Variants in FBN3 observed in about 807,000 individuals in gnomAD.
FBN3 encodes the protein fibrillin 3, also known as fibrillin-3.
A neutral mutation model predicts 330.1 loss-of-function variants in FBN3; 234 were observed. That is an observed-to-expected ratio of 0.71 (90% CI 0.64 to 0.79). The LOEUF (loss-of-function observed/expected upper bound fraction) is 0.79, where lower values mean the gene tolerates loss of function less well. Ranked by LOEUF, FBN3 falls within the 30% of genes least tolerant of loss-of-function variation. The pLI, the probability that FBN3 is intolerant of heterozygous loss-of-function variation, is 0.00. For synonymous variants in FBN3, 1,458 were observed against 1,517.3 expected, an observed-to-expected ratio of 0.96 and a Z score of 0.91; for missense variants, 3,606 against 3,886.9, an observed-to-expected ratio of 0.93 and a Z score of 1.92.
At chr19:8,085,328 G>A in intron 56 of FBN3, 35 bp downstream of exon 56, 3 of 1,532,890 alleles carry the variant, frequency 2.0e-6, no homozygotes, top group Non-Finnish European at 2.6e-6. Flanking sequence ...CCCGTTTCTT[G>A]CCTCCCTGGG....
intron 13 of FBN3, among the ~76,000 whole-genome samples, chr19:8,133,455 A>ATT (rs568070872): frequency 6.1e-5 from 9 of 147,782 alleles, no homozygotes; most frequent in African/African-American, 2.0e-4. Context: ...AAAGACAACA[A>ATT]TTTTTTTTTT....
At chr19:8,127,847 G>A (rs1304526920) in intron 18 of FBN3, among the ~76,000 whole-genome samples, 1 of 152,122 alleles carries the variant, frequency 6.6e-6, no homozygotes, top group Non-Finnish European at 1.5e-5. Context: ...TGGGCGTGAT[G>A]GCACACGCCT....
At chr19:8,148,236 C>A (rs1012202460) in intron 1 of FBN3, among the ~76,000 whole-genome samples, 2 of 152,128 alleles carry the variant, frequency 1.3e-5, no homozygotes, top group Non-Finnish European at 2.9e-5. Flanking sequence ...CCCTTAGCCG[C>A]AAGACCCTTT....
chr19:8,142,967 C>G (rs993456155), intron 6 of FBN3, among the ~76,000 whole-genome samples: 1 of 152,120 alleles, frequency 6.6e-6, no homozygotes, highest in Admixed American at 6.6e-5. Context: ...CAGGTCACTT[C>G]CCCAGCCCCT....
intron 30 of FBN3, among the ~76,000 whole-genome samples, chr19:8,115,308 T>C (rs2082681222): frequency 6.6e-6 from 1 of 152,208 alleles, no homozygotes; most frequent in Admixed American, 6.5e-5. Context: ...CTGCAGACAC[T>C]TGGGGCTTCC....
intron 61 of FBN3, 95 bp from the exon 62 acceptor site, chr19:8,073,392 C>T: frequency 9.7e-7 from 1 of 1,036,248 alleles, no homozygotes; most frequent in Non-Finnish European, 1.4e-6. Context: ...GCTGTATGTT[C>T]AGAGCCCAAG....
intron 10 of FBN3, 64 bp downstream of exon 10, chr19:8,138,077 C>G: frequency 6.7e-7 from 1 of 1,484,650 alleles, no homozygotes; most frequent in Non-Finnish European, 9.0e-7. Flanking sequence ...GTTTGGAGCT[C>G]TCTCCCCAGA....
intron 13 of FBN3, 26 bp downstream of exon 13, chr19:8,135,935 T>TGGGGGGGGGGGGGGGGCG: frequency 7.4e-7 from 1 of 1,344,152 alleles, no homozygotes; most frequent in Non-Finnish European, 1.0e-6. Context: ...CGGAAGCCCC[T>TGGGGGGGGGGGGGGGGCG]GCCCACCCGC....
At chr19:8,108,036 G>A in intron 37 of FBN3, 134 bp downstream of exon 37, 1 of 654,778 alleles carries the variant, frequency 1.5e-6, no homozygotes, top group Non-Finnish European at 2.6e-6. Context: ...TGGTCCTGCT[G>A]CTCAGCCTCC....
intron 8 of FBN3, among the ~76,000 whole-genome samples, chr19:8,139,012 C>T (rs1293056478): frequency 6.6e-6 from 1 of 151,478 alleles, no homozygotes; most frequent in African/African-American, 2.4e-5. Flanking sequence ...TGAGATCATG[C>T]CACTGCACTC....
intron 31 of FBN3, 40 bp from the exon 32 acceptor site, chr19:8,111,810 G>A: frequency 6.2e-7 from 1 of 1,600,762 alleles, no homozygotes; most frequent in Non-Finnish European, 8.5e-7. Context: ...CCCATGGTGT[G>A]TGCATTGGGT....
intron 41 of FBN3, among the ~76,000 whole-genome samples, chr19:8,098,776 A>G (rs2082265865): frequency 6.6e-6 from 1 of 152,316 alleles, no homozygotes; most frequent in African/African-American, 2.4e-5. Flanking sequence ...ATCTCTCAAT[A>G]AAACTGTTAT....
At chr19:8,103,765 A>C (rs755138291) in intron 38 of FBN3, 78 bp from the exon 39 acceptor site, 126 of 1,442,694 alleles carry the variant, frequency 8.7e-5, no homozygotes, top group Non-Finnish European at 1.1e-4. Context: ...CCAGAGACCC[A>C]GCAAGGCCAC....
Position 8,117,542 on chromosome 19 carries a change from A to G in FBN3, c.3385T>C (p.Cys1129Arg). The G allele has an allele frequency of 6.4e-7, 1 of 1,558,044 alleles. No individual in the cohort carries two copies. The highest frequency in any genetic ancestry group is 8.7e-7 in the Non-Finnish European group (1 of 1,150,614). ...LSDGLCPHGQ[C>R]VNVIGAFQCS... Reference sequence around the variant, plus strand: ...TGGAAGGCACCGATGACATTGACACACTGGCCATGGGGACACAGGCCATCA... The same window carrying G: ...TGGAAGGCACCGATGACATTGACACGCTGGCCATGGGGACACAGGCCATCA... The change falls in exon 27 of 64, where the codon TGT becomes CGT. Residue 1129 changes from cysteine to arginine, a missense_variant. By Grantham distance (180) the Cys-to-Arg change is radical (BLOSUM62 -3). Coordinates refer to ENST00000600128, the MANE Select transcript of FBN3 (RefSeq NM_032447.5).
intron 8 of FBN3, among the ~76,000 whole-genome samples, chr19:8,139,167 C>T (rs2083356936): frequency 6.6e-6 from 1 of 151,704 alleles, no homozygotes; most frequent in African/African-American, 2.4e-5. Flanking sequence ...GCCAACATGA[C>T]GAAACCCAGT....
chr19:8,132,888 T>C, intron 14 of FBN3, 96 bp downstream of exon 14: 1 of 1,368,152 alleles, frequency 7.3e-7, no homozygotes, highest in Non-Finnish European at 9.7e-7. Flanking sequence ...CTCATGCTCG[T>C]CCCATCCCCG....
Position 8,073,109 on chromosome 19 carries a change from C to A in FBN3, c.7891G>T (p.Gly2631Cys). ...CCTTGAGGACAGCCGCACAGGAAGC[C>A]ACCAGGCGTGTTGGCACAGCTGTAG... is the stretch of plus-strand genomic sequence containing the variant. ...CSYSCANTPG[G>C]FLCGCPQGYF... Residue 2631 changes from glycine (G) to cysteine (C), a missense_variant, in exon 62 of 64, where the codon GGC (glycine) becomes TGC (cysteine). Transcript: ENST00000600128. 1 of 1,613,636 alleles carries A rather than the reference C, an allele frequency of 6.2e-7. No homozygotes were observed. Among genetic ancestry groups the A allele is most frequent in the South Asian group, 1.1e-5 (1 of 91,062 alleles).
intron 30 of FBN3, among the ~76,000 whole-genome samples, chr19:8,112,791 C>T (rs2082621060): frequency 6.6e-6 from 1 of 152,222 alleles, no homozygotes; most frequent in African/African-American, 2.4e-5. Context: ...CCATGTTAAA[C>T]CTTGGTGAGC....
intron 29 of FBN3, 125 bp from the exon 30 acceptor site, chr19:8,115,765 A>C: frequency 5.4e-6 from 6 of 1,114,592 alleles, no homozygotes; most frequent in Non-Finnish European, 7.8e-6. Context: ...CCTCTCTGCT[A>C]GGACTCTCTT....
Sources: allele counts gnomAD v4.1 joint callset (sites outside exome capture counted in the v4.1 genomes callset), GRCh38; gene constraint gnomAD v4.1.1; transcripts MANE v1.5; gene names NCBI Gene and HGNC (gene_info 2026-07-23, HGNC 2026-07-21).